The following MPP7 variants were observed in gnomAD, a reference collection of about 807,000 sequenced individuals.
MPP7 encodes MAGUK p55 scaffold protein 7.
In MPP7, 60 loss-of-function variants were observed where a neutral mutation model predicts 76.5. That is an observed-to-expected ratio of 0.78 (90% CI 0.64 to 0.97). The LOEUF (loss-of-function observed/expected upper bound fraction) is 0.97. MPP7 is among the 50% of genes least tolerant of loss of function. The probability of loss-of-function intolerance (pLI) is 0.00; values close to 1 mark genes in which losing one functional copy is unlikely to be tolerated. For synonymous variants in MPP7, 237 were observed against 244.5 expected (o/e 0.97, Z 0.29); for missense variants, 641 against 694.0 (o/e 0.92, Z 0.86).
intron 2 of MPP7, among the ~76,000 whole-genome samples, chr10:28,215,509 A>T (rs139961504): frequency 9.8e-4 from 149 of 152,332 alleles, no homozygotes; most frequent in African/African-American, 3.5e-3. Context: ...ACTCAGGGAC[A>T]GCGTTCTCGA....
intron 1 of MPP7, among the ~76,000 whole-genome samples, chr10:28,299,154 C>T (rs1841096259): frequency 6.6e-6 from 1 of 152,166 alleles, no homozygotes; most frequent in South Asian, 2.1e-4. Context: ...ATTCAGAGCT[C>T]GCTTGTTTGG....
intron 3 of MPP7, among the ~76,000 whole-genome samples, chr10:28,193,879 T>C (rs1257468633): frequency 6.7e-6 from 1 of 148,894 alleles, no homozygotes; most frequent in Non-Finnish European, 1.5e-5. Context: ...TGGCTAAAAT[T>C]AAAAAAAAAA....
chr10:28,243,798 A>G (rs1024413592), intron 1 of MPP7, among the ~76,000 whole-genome samples: 9 of 152,250 alleles, frequency 5.9e-5, no homozygotes, highest in African/African-American at 1.9e-4. Context: ...CTGTTGAGCC[A>G]GGAATTAAAG....
At chr10:28,331,260 A>G (rs940852690) in intron 1 of MPP7, among the ~76,000 whole-genome samples, 2 of 152,140 alleles carry the variant, frequency 1.3e-5, no homozygotes. Flanking sequence ...CCTGCCTTCA[A>G]TTAACTTCCT....
chr10:28,212,362 G>A (rs904094613), intron 2 of MPP7, among the ~76,000 whole-genome samples: 1 of 152,004 alleles, frequency 6.6e-6, no homozygotes, highest in Non-Finnish European at 1.5e-5. Context: ...TGAGGGACAT[G>A]GGGGAAAAAA....
chr10:28,131,834 A>T, intron 5 of MPP7, 143 bp from the exon 6 acceptor site: 1 of 260,814 alleles, frequency 3.8e-6, no homozygotes. Context: ...GTAATAAGAC[A>T]ATTACTTGAA....
intron 12 of MPP7, among the ~76,000 whole-genome samples, chr10:28,088,557 T>C (rs1335875284): frequency 6.6e-6 from 1 of 152,142 alleles, no homozygotes; most frequent in Non-Finnish European, 1.5e-5. Flanking sequence ...GCTTCCTATA[T>C]AGCCTGTGGA....
At chr10:28,125,201 GA>G (rs537186403) in intron 6 of MPP7, 110 bp from the exon 7 acceptor site, 38 of 844,864 alleles carry the variant, frequency 4.5e-5, no homozygotes, top group Middle Eastern at 2.3e-4. Flanking sequence ...CTACAAAAAC[GA>G]AAAAAAAGAA....
At chr10:28,112,599 T>C (rs1318181348) in intron 11 of MPP7, among the ~76,000 whole-genome samples, 5 of 152,136 alleles carry the variant, frequency 3.3e-5, no homozygotes, top group Non-Finnish European at 5.9e-5. Context: ...CACACACATA[T>C]ATTCAGTAGC....
chr10:28,102,271 T>C (rs1853861199), intron 11 of MPP7, among the ~76,000 whole-genome samples: 2 of 151,892 alleles, frequency 1.3e-5, no homozygotes, highest in African/African-American at 4.8e-5. Flanking sequence ...GCCTCCGGAG[T>C]AGTTGGGATT....
intron 15 of MPP7, 70 bp from the exon 16 acceptor site, chr10:28,056,693 G>A: frequency 7.3e-7 from 1 of 1,376,628 alleles, no homozygotes; most frequent in Non-Finnish European, 9.6e-7. Flanking sequence ...TTTCTTTCTA[G>A]GAGAAAATTC....
intron 12 of MPP7, among the ~76,000 whole-genome samples, chr10:28,070,295 AG>A (rs775242860): frequency 2.5e-4 from 38 of 152,162 alleles, no homozygotes; most frequent in Admixed American, 8.5e-4. Flanking sequence ...GCTACTCAGG[AG>A]GCTGAGGCAG....
rs566562371 is a variant in MPP7 at position 28,091,476 on chromosome 10, C to T, written c.953-1635G>A. 7.2e-5 allele frequency among the ~76,000 whole-genome samples: 11 copies of T among 152,000 alleles called. No homozygotes were observed. In the South Asian group the frequency reaches 1.2e-3, roughly 17 times the overall value. On this transcript the variant is annotated intron_variant, in intron 11 of 16. Transcript: ENST00000683449. ...CTAACTTTTGTATTTTTAGTAGAGA[C>T]GGGGTTTCACCACATTGGCCAGGCT...
At chr10:28,119,543 G>C (rs1034272710) in intron 11 of MPP7, 108 bp downstream of exon 11, 1 of 789,250 alleles carries the variant, frequency 1.3e-6, no homozygotes, top group African/African-American at 1.7e-5. Flanking sequence ...TGATCCCAAA[G>C]TTATTGCTAG....
At position 28,052,318 on chromosome 10, in the gene MPP7, C is replaced by T. The variant is rs1231177377; in HGVS notation, c.*1747G>A. Reference sequence around the variant, plus strand: ...TTAAGACTTCAGGTTGGCAACCCTCCCTCTTTCATTTTTTAAAAACAAAAT... The same window carrying T: ...TTAAGACTTCAGGTTGGCAACCCTCTCTCTTTCATTTTTTAAAAACAAAAT... On this transcript the variant is annotated 3_prime_UTR_variant, in exon 17 of 17. Coordinates refer to ENST00000683449, the MANE Select transcript of MPP7 (RefSeq NM_001318170.2). 1 of 152,074 alleles carries T rather than the reference C, an allele frequency of 6.6e-6. No homozygotes were observed. Among genetic ancestry groups the T allele is most frequent in the Non-Finnish European group, 1.5e-5 (1 of 67,974 alleles). 9.4% of individuals were successfully genotyped at this position (152,074 alleles called of 1,614,324 possible). A position where few individuals can be genotyped will look rare whatever the true frequency, so the allele number is the denominator to read the frequency against.
intron 1 of MPP7, among the ~76,000 whole-genome samples, chr10:28,256,118 G>A (rs1356749420): frequency 6.6e-6 from 1 of 152,056 alleles, no homozygotes; most frequent in African/African-American, 2.4e-5. Flanking sequence ...GGAAATTTTG[G>A]AATATGGAAC....
chr10:28,253,780 G>T (rs1839693347), intron 1 of MPP7, among the ~76,000 whole-genome samples: 1 of 151,874 alleles, frequency 6.6e-6, no homozygotes, highest in Non-Finnish European at 1.5e-5. Flanking sequence ...TGGATCACTT[G>T]AGCTCAGGAG....
intron 8 of MPP7, among the ~76,000 whole-genome samples, chr10:28,121,629 AG>A (rs1367547504): frequency 1.3e-5 from 2 of 152,228 alleles, no homozygotes; most frequent in East Asian, 3.9e-4. Context: ...CATGTATTGT[AG>A]CCATATTTAA....
At chr10:28,082,361 T>C (rs1564621413) in intron 12 of MPP7, among the ~76,000 whole-genome samples, 1 of 152,146 alleles carries the variant, frequency 6.6e-6, no homozygotes, top group Admixed American at 6.6e-5. Context: ...TTAGTTAATA[T>C]GTAAGTCCTC....
Sources: allele counts gnomAD v4.1 joint callset (sites outside exome capture counted in the v4.1 genomes callset), GRCh38; gene constraint gnomAD v4.1.1; transcripts MANE v1.5; gene names NCBI Gene and HGNC (gene_info 2026-07-23, HGNC 2026-07-21).